PCDH15: variants seen among roughly 807,000 people sequenced by gnomAD.
The protein encoded by PCDH15 is protocadherin-15.
PCDH15 carries 129 observed loss-of-function variants against 178.5 expected under a neutral mutation model. The ratio of observed to expected loss-of-function variants is 0.72; its 90% CI spans 0.63 to 0.84. PCDH15 has a LOEUF of 0.84. Ranked by LOEUF, PCDH15 falls within the 40% of genes least tolerant of loss-of-function variation. The pLI is 0.00. For synonymous variants in PCDH15, 800 were observed against 732.0 expected, an observed-to-expected ratio of 1.09 and a Z score of -1.50; for missense variants, 2,230 against 2,099.9, an observed-to-expected ratio of 1.06 and a Z score of -1.21.
chr10:54,137,463 G>C (rs1215383143), intron 14 of PCDH15, among the ~76,000 whole-genome samples: 1 of 151,812 alleles, frequency 6.6e-6, no homozygotes, highest in African/African-American at 2.4e-5. Flanking sequence ...CATAGAAATT[G>C]ACCCTTCTGG....
chr10:54,167,645 GGA>G (rs2046364346), intron 13 of PCDH15, among the ~76,000 whole-genome samples: 1 of 151,704 alleles, frequency 6.6e-6, no homozygotes. Context: ...TGCTTTTCTG[GGA>G]GAGGGGCAAG....
At position 53,806,723 on chromosome 10, in the gene PCDH15, T is replaced by G. The variant is rs376372077; in HGVS notation, c.5079A>C (p.Lys1693Asn). 3 of 1,613,878 alleles carry G rather than the reference T, an allele frequency of 1.9e-6. No individual in the cohort carries two copies. The highest frequency in any genetic ancestry group is 2.5e-6 in the Non-Finnish European group (3 of 1,179,828). Residue 1693 changes from lysine (K) to asparagine (N), a missense_variant, in exon 38 of 38, where the codon AAA becomes AAC. Coordinates refer to ENST00000644397, the MANE Select transcript of PCDH15 (RefSeq NM_001384140.1). ...TCATGGACTCCTGTTCAACTGTGCT[T>G]TTCAGCCTGTTCCTTAGTGGCTTCA... is the stretch of plus-strand genomic sequence containing the variant. Reference protein sequence around the residue: ...TAVKPLRNRLKSTVEQESMID... With the variant: ...TAVKPLRNRLNSTVEQESMID...
chr10:55,101,372 G>C (rs1383968116), intron 2 of PCDH15, among the ~76,000 whole-genome samples: 3 of 150,470 alleles, frequency 2.0e-5, no homozygotes, highest in Admixed American at 6.6e-5. Flanking sequence ...CTGGGTGACA[G>C]AGCAAGATTC....
Position 54,503,932 on chromosome 10 carries a change from T to TGTCC in PCDH15, c.157+23879_157+23880insGGAC, listed in dbSNP as rs1460255566. Among the ~76,000 whole-genome samples, 183 of 152,214 alleles carry TGTCC rather than the reference T, an allele frequency of 1.2e-3. 1 individual carries two copies. Among genetic ancestry groups the TGTCC allele is most frequent in the Non-Finnish European group, 1.4e-3 (97 of 67,998 alleles). On this transcript the variant is annotated intron_variant, in intron 3 of 37. Transcript: ENST00000644397. The stretch of plus-strand genomic sequence containing the variant: ...TTGTTCCCCTGATGCCTGAGGCCAA[T>TGTCC]GCACAGTGTCCGGAATTTTCCTCTT...
At chr10:55,328,534 A>G (rs765077878) in intron 2 of PCDH15, among the ~76,000 whole-genome samples, 1 of 151,778 alleles carries the variant, frequency 6.6e-6, no homozygotes, top group Non-Finnish European at 1.5e-5. Flanking sequence ...TGGGATCGCC[A>G]TTATATATAC....
intron 2 of PCDH15, among the ~76,000 whole-genome samples, chr10:55,052,828 A>T (rs1369906931): frequency 6.6e-6 from 1 of 152,196 alleles, no homozygotes; most frequent in Non-Finnish European, 1.5e-5. Context: ...TAATTATAGC[A>T]ATTTAATAAA....
intron 1 of PCDH15, among the ~76,000 whole-genome samples, chr10:55,301,587 C>A (rs1405039866): frequency 6.6e-6 from 1 of 151,966 alleles, no homozygotes; most frequent in Non-Finnish European, 1.5e-5. Context: ...TACAGCAAAA[C>A]TTTTAATCTT....
chr10:54,043,553 A>G (rs2093595063), intron 18 of PCDH15, among the ~76,000 whole-genome samples: 1 of 151,252 alleles, frequency 6.6e-6, no homozygotes, highest in African/African-American at 2.4e-5. Context: ...ATGCCTGGCT[A>G]ATTTTTGTAT....
intron 2 of PCDH15, among the ~76,000 whole-genome samples, chr10:55,089,455 C>G (rs1373054571): frequency 6.6e-6 from 1 of 151,860 alleles, no homozygotes; most frequent in Non-Finnish European, 1.5e-5. Flanking sequence ...TTTCAAGTGT[C>G]TAGCAAAAAT....
At chr10:53,808,208 A>G (rs2075727638) in intron 37 of PCDH15, 1 of 161,688 alleles carries the variant, frequency 6.2e-6, no homozygotes, top group Non-Finnish European at 1.3e-5. Flanking sequence ...TTTTTATAAT[A>G]CCTTTGCCAG....
chr10:53,878,158 G>A (rs1421606473), intron 26 of PCDH15, among the ~76,000 whole-genome samples: 4 of 139,798 alleles, frequency 2.9e-5, no homozygotes, highest in African/African-American at 8.1e-5. Flanking sequence ...GCCAAATGAT[G>A]TTCACTTCTT....
intron 13 of PCDH15, among the ~76,000 whole-genome samples, chr10:54,159,423 T>A (rs930557832): frequency 2.6e-5 from 4 of 152,124 alleles, no homozygotes; most frequent in Non-Finnish European, 5.9e-5. Context: ...GAAGAAGACA[T>A]GTCAAGAAAT....
intron 3 of PCDH15, among the ~76,000 whole-genome samples, chr10:54,382,921 T>A (rs987298507): frequency 2.6e-5 from 4 of 152,144 alleles, no homozygotes; most frequent in African/African-American, 9.7e-5. Flanking sequence ...TGTCAAAAGA[T>A]CTATGTTCAG....
At chr10:53,878,975 G>C (rs1414411681) in intron 26 of PCDH15, among the ~76,000 whole-genome samples, 4 of 152,038 alleles carry the variant, frequency 2.6e-5, no homozygotes, top group Non-Finnish European at 4.4e-5. Context: ...TATTCACTCG[G>C]GTGTAAAATG....
At chr10:55,299,702 G>A (rs949854945) in intron 1 of PCDH15, among the ~76,000 whole-genome samples, 1 of 152,152 alleles carries the variant, frequency 6.6e-6, no homozygotes, top group African/African-American at 2.4e-5. Context: ...TGATCCAAAT[G>A]CTAATACTCA....
At chr10:53,955,966 A>C (rs1484352833) in intron 23 of PCDH15, among the ~76,000 whole-genome samples, 1 of 152,200 alleles carries the variant, frequency 6.6e-6, no homozygotes, top group Non-Finnish European at 1.5e-5. Context: ...CATATTGCCA[A>C]AGCTAGCAAT....
intron 2 of PCDH15, among the ~76,000 whole-genome samples, chr10:55,566,285 A>G (rs1347597351): frequency 4.0e-5 from 6 of 151,742 alleles, no homozygotes; most frequent in Non-Finnish European, 1.5e-5. Context: ...AACACTCAAC[A>G]AAGTAGAAAT....
intron 15 of PCDH15, among the ~76,000 whole-genome samples, chr10:54,108,233 G>A (rs940360430): frequency 6.6e-6 from 1 of 152,114 alleles, no homozygotes; most frequent in African/African-American, 2.4e-5. Context: ...CACTGATGAG[G>A]ATAGGAAAGA....
chr10:54,877,975 T>TTTTTTTTTTTTTTTTG (rs1954181713), intron 3 of PCDH15, among the ~76,000 whole-genome samples: 1 of 76,672 alleles, frequency 1.3e-5, no homozygotes, highest in African/African-American at 4.6e-5. Context: ...TTTTTTTTTT[T>TTTTTTTTTTTTTTTTG]TTGTTGAAGT....
Sources: gnomAD v4.1 joint callset for allele counts (sites outside exome capture counted in the v4.1 genomes callset) on GRCh38, gnomAD v4.1.1 for gene constraint, MANE v1.5 for transcripts, NCBI Gene and HGNC (gene_info 2026-07-23, HGNC 2026-07-21) for gene names.